Variants in BTBD9 observed in about 807,000 individuals in gnomAD.
BTBD9 encodes the protein BTB/POZ domain-containing protein 9.
A neutral mutation model predicts 64.3 loss-of-function variants in BTBD9; 49 were observed. The ratio of observed to expected loss-of-function variants is 0.76; its 90% confidence interval spans 0.61 to 0.97. The LOEUF (loss-of-function observed/expected upper bound fraction) is 0.97, where lower values mean the gene tolerates loss of function less well. Among genes scored for constraint, BTBD9 ranks in the 50% least tolerant of loss-of-function variants. BTBD9 has a pLI of 0.00. For synonymous variants in BTBD9, 260 were observed against 274.7 expected (o/e 0.95, Z 0.53); for missense variants, 598 against 762.1 (o/e 0.78, Z 2.53).
In BTBD9 at chr6:38,577,611, G is replaced by T; in HGVS notation, c.1143C>A (p.Ala381=). 1 of 1,607,586 alleles carries T rather than the reference G, an allele frequency of 6.2e-7. No homozygotes were observed. The highest frequency in any genetic ancestry group is 8.5e-7 in the Non-Finnish European group (1 of 1,179,214). ...CRSWQKLYFP[A]RVCRYIRIVG... ...CACTGAAAACTAACCTGCAGACACG[G>T]GCTGGAAAATATAATTTCTGCCAAG... is the stretch of plus-strand genomic sequence containing the variant. Residue 381 remains alanine, a synonymous_variant, in exon 6 of 11, where the codon GCC becomes GCA. Coordinates refer to ENST00000481247, the MANE Select transcript of BTBD9 (RefSeq NM_001099272.2).
chr6:38,351,886 A>C (rs1764531212), intron 6 of BTBD9, among the ~76,000 whole-genome samples: 1 of 152,182 alleles, frequency 6.6e-6, no homozygotes, highest in Non-Finnish European at 1.5e-5. Flanking sequence ...ACCTGCCATG[A>C]TGTGCCTGAT....
At chr6:38,446,140 A>G (rs950730641) in intron 6 of BTBD9, among the ~76,000 whole-genome samples, 1 of 152,202 alleles carries the variant, frequency 6.6e-6, no homozygotes, top group Non-Finnish European at 1.5e-5. Flanking sequence ...CATGGCTCAG[A>G]TAACTGCAGA....
intron 6 of BTBD9, among the ~76,000 whole-genome samples, chr6:38,449,418 AG>A (rs1203198042): frequency 5.3e-5 from 8 of 152,202 alleles, no homozygotes; most frequent in African/African-American, 1.9e-4. Context: ...GCATAAAAAT[AG>A]ACACATAGAC....
chr6:38,544,272 T>G lies in BTBD9; in HGVS notation c.1154+33328A>C, dbSNP rs559579600. On this transcript the variant is annotated intron_variant, in intron 6 of 10. Coordinates refer to ENST00000481247, the MANE Select transcript of BTBD9 (RefSeq NM_001099272.2). ...TATGTGCAATTACTATACCATTTTA[T>G]ATAACAGACTTGAGTATCTGGGGAT... Among the ~76,000 whole-genome samples the G allele has an allele frequency of 2.6e-5, 4 of 152,162 alleles. No individual in the cohort carries two copies. The South Asian group carries it at 8.3e-4, about 31-fold the overall frequency.
chr6:38,568,837 T>C (rs1478414833), intron 6 of BTBD9, among the ~76,000 whole-genome samples: 2 of 152,244 alleles, frequency 1.3e-5, no homozygotes, highest in Admixed American at 6.5e-5. Context: ...ACGTAATTTA[T>C]ACTTCTTCGC....
chr6:38,228,046 A>G (rs1430223091), intron 9 of BTBD9, among the ~76,000 whole-genome samples: 1 of 152,108 alleles, frequency 6.6e-6, no homozygotes, highest in Non-Finnish European at 1.5e-5. Context: ...ATTTGTCCAA[A>G]CCCATAAAAT....
intron 6 of BTBD9, among the ~76,000 whole-genome samples, chr6:38,499,159 A>G (rs536065184): frequency 1.3e-4 from 19 of 151,576 alleles, no homozygotes; most frequent in Non-Finnish European, 1.8e-4. Flanking sequence ...AAAAAAACAG[A>G]GAAAAAATAT....
intron 6 of BTBD9, among the ~76,000 whole-genome samples, chr6:38,374,946 C>T (rs1765625347): frequency 6.6e-6 from 1 of 152,294 alleles, no homozygotes; most frequent in African/African-American, 2.4e-5. Flanking sequence ...GATGTGATAG[C>T]CATCACTCTG....
chr6:38,340,298 T>C (rs528610453), intron 7 of BTBD9, among the ~76,000 whole-genome samples: 6 of 152,124 alleles, frequency 3.9e-5, no homozygotes, highest in Non-Finnish European at 7.4e-5. Context: ...TTTTCCTCTA[T>C]ACGGTATCAA....
chr6:38,383,755 A>C (rs1766038788), intron 6 of BTBD9, among the ~76,000 whole-genome samples: 1 of 152,250 alleles, frequency 6.6e-6, no homozygotes, highest in Admixed American at 6.5e-5. Context: ...CTGTTACACT[A>C]AACGGTGAGT....
At chr6:38,394,427 G>A (rs1448579715) in intron 6 of BTBD9, among the ~76,000 whole-genome samples, 3 of 152,098 alleles carry the variant, frequency 2.0e-5, no homozygotes, top group African/African-American at 7.2e-5. Flanking sequence ...GAAGGGAGAA[G>A]TTTTTTGTGG....
At chr6:38,212,414 A>T (rs1416829384) in intron 9 of BTBD9, among the ~76,000 whole-genome samples, 2 of 152,338 alleles carry the variant, frequency 1.3e-5, no homozygotes, top group South Asian at 4.1e-4. Context: ...GGGGTGACAC[A>T]GGACTATGGG....
chr6:38,429,761 C>T (rs1247006551), intron 6 of BTBD9, among the ~76,000 whole-genome samples: 1 of 151,968 alleles, frequency 6.6e-6, no homozygotes, highest in Non-Finnish European at 1.5e-5. Flanking sequence ...AGGTTAATTG[C>T]TAGTTCTAGA....
At chr6:38,300,453 G>A (rs1397968706) in intron 7 of BTBD9, among the ~76,000 whole-genome samples, 1 of 152,092 alleles carries the variant, frequency 6.6e-6, no homozygotes, top group Non-Finnish European at 1.5e-5. Flanking sequence ...CTTGGGCAGT[G>A]TGACCATTTT....
chr6:38,349,743 A>C (rs1292598760), intron 6 of BTBD9, among the ~76,000 whole-genome samples: 2 of 151,964 alleles, frequency 1.3e-5, no homozygotes, highest in Non-Finnish European at 2.9e-5. Flanking sequence ...TAGATGTTAA[A>C]ATGGTGCATC....
intron 6 of BTBD9, among the ~76,000 whole-genome samples, chr6:38,351,218 T>C (rs1764492258): frequency 6.6e-6 from 1 of 152,190 alleles, no homozygotes; most frequent in African/African-American, 2.4e-5. Context: ...TTTGCTTGTT[T>C]GGGAGAGGAA....
intron 5 of BTBD9, among the ~76,000 whole-genome samples, chr6:38,578,873 A>C (rs1009020146): frequency 6.6e-6 from 1 of 152,192 alleles, no homozygotes; most frequent in African/African-American, 2.4e-5. Flanking sequence ...AACGATGACA[A>C]CCACTTTGCT....
intron 6 of BTBD9, among the ~76,000 whole-genome samples, chr6:38,434,150 C>T (rs78054489): frequency 0.2 from 30,960 of 151,906 alleles, 3,901 homozygotes; most frequent in East Asian, 0.48. Context: ...AATGGCCCTG[C>T]AAAAAATTTT....
chr6:38,263,682 C>A (rs1764868248), intron 8 of BTBD9, among the ~76,000 whole-genome samples: 1 of 152,176 alleles, frequency 6.6e-6, no homozygotes, highest in Non-Finnish European at 1.5e-5. Context: ...AAGCAGAGAC[C>A]ACAGGCTGTG....
Sources: allele counts gnomAD v4.1 joint callset (sites outside exome capture counted in the v4.1 genomes callset), GRCh38; gene constraint gnomAD v4.1.1; transcripts MANE v1.5; gene names NCBI Gene and HGNC (gene_info 2026-07-23, HGNC 2026-07-21).